The following PCGF5 variants were observed in gnomAD, a reference collection of about 807,000 sequenced individuals.
The protein encoded by PCGF5 is polycomb group ring finger 5.
In PCGF5, 9 loss-of-function variants were observed where a neutral mutation model predicts 44.3. The ratio of observed to expected loss-of-function variants is 0.20; its 90% CI spans 0.12 to 0.35. The LOEUF (loss-of-function observed/expected upper bound fraction) is 0.35. Ranked by LOEUF, PCGF5 falls within the 10% of genes least tolerant of loss-of-function variation. The pLI is 1.00. For synonymous variants in PCGF5, 95 were observed against 102.5 expected (o/e 0.93, Z 0.44); for missense variants, 146 against 305.3 (o/e 0.48, Z 3.89).
intron 2 of PCGF5, among the ~76,000 whole-genome samples, chr10:91,234,193 G>T (rs1845089300): frequency 6.6e-6 from 1 of 152,204 alleles, no homozygotes; most frequent in South Asian, 2.1e-4. Context: ...GTTCAACTAT[G>T]AAATCAACAT....
intron 2 of PCGF5, among the ~76,000 whole-genome samples, chr10:91,226,289 TAAAAAAAAA>T (rs66465569): frequency 1.3e-4 from 10 of 75,144 alleles, no homozygotes; most frequent in Admixed American, 7.1e-4. Flanking sequence ...TTAAGAAATG[TAAAAAAAAA>T]AAAAAAAAAA....
intron 1 of PCGF5, among the ~76,000 whole-genome samples, chr10:91,193,107 G>T (rs1844063147): frequency 6.6e-6 from 1 of 152,136 alleles, no homozygotes; most frequent in African/African-American, 2.4e-5. Flanking sequence ...TGCTGAGAGT[G>T]CATGGCAAAC....
intron 6 of PCGF5, among the ~76,000 whole-genome samples, chr10:91,258,800 TATC>T (rs1435205809): frequency 2.0e-5 from 3 of 152,186 alleles, no homozygotes; most frequent in African/African-American, 7.2e-5. Flanking sequence ...ATGGATATTT[TATC>T]ATCTGTATTG....
intron 3 of PCGF5, among the ~76,000 whole-genome samples, chr10:91,245,864 T>G (rs939145296): frequency 1.3e-5 from 2 of 152,122 alleles, no homozygotes; most frequent in Non-Finnish European, 2.9e-5. Context: ...AAGCGTGTTG[T>G]CCAGGGGAGT....
At chr10:91,195,481 TATATAGAGAGAGAG>T (rs1463880078) in intron 1 of PCGF5, among the ~76,000 whole-genome samples, 2 of 134,586 alleles carry the variant, frequency 1.5e-5, no homozygotes, top group East Asian at 4.2e-4. Context: ...CATATATATA[TATATAGAGAGAGAG>T]AGAGAGAGAG....
At chr10:91,208,824 T>C (rs1844395812) in intron 1 of PCGF5, among the ~76,000 whole-genome samples, 1 of 152,208 alleles carries the variant, frequency 6.6e-6, no homozygotes, top group Non-Finnish European at 1.5e-5. Flanking sequence ...TAGTGACACC[T>C]TCAGTGTTGG....
the PCGF5 span, among the ~76,000 whole-genome samples, chr10:91,157,259 T>G: frequency 6.6e-6 from 1 of 152,236 alleles, no homozygotes; most frequent in East Asian, 1.9e-4. Flanking sequence ...ATATCAACAG[T>G]TAACAGACTG....
Position 91,280,129 on chromosome 10 carries a change from C to T in PCGF5, c.*1813C>T, listed in dbSNP as rs1209236380. On this transcript the variant is annotated 3_prime_UTR_variant, in exon 10 of 10. Transcript: ENST00000336126. ...GCAGATTTTCATTAACTATAAATGG[C>T]TGAAAAAACTGAATTTACTATCTAG... is the stretch of plus-strand genomic sequence containing the variant. 1 of 151,952 alleles carries T rather than the reference C, an allele frequency of 6.6e-6. No individual in the cohort carries two copies. The highest frequency in any genetic ancestry group is 1.5e-5 in the Non-Finnish European group (1 of 67,866). 9.4% of individuals were successfully genotyped at this position (151,952 alleles called of 1,614,324 possible).
chr10:91,210,244 G>A (rs1844424248), intron 1 of PCGF5, among the ~76,000 whole-genome samples: 1 of 152,134 alleles, frequency 6.6e-6, no homozygotes, highest in South Asian at 2.1e-4. Flanking sequence ...CTGCCAGAGA[G>A]TGCTACAGCT....
chr10:91,233,892 A>C (rs1306887390), intron 2 of PCGF5, among the ~76,000 whole-genome samples: 1 of 152,250 alleles, frequency 6.6e-6, no homozygotes, highest in East Asian at 1.9e-4. Flanking sequence ...TAACAAAGGA[A>C]GTCAGCCTTT....
chr10:91,205,863 G>T (rs534240732), intron 1 of PCGF5, among the ~76,000 whole-genome samples: 2 of 152,158 alleles, frequency 1.3e-5, no homozygotes, highest in African/African-American at 4.8e-5. Context: ...GGTGGTGGAT[G>T]CTTGTAATCC....
intron 1 of PCGF5, among the ~76,000 whole-genome samples, chr10:91,211,526 A>G (rs532476291): frequency 2.0e-5 from 3 of 152,332 alleles, no homozygotes; most frequent in African/African-American, 4.8e-5. Flanking sequence ...CCTGATCTGC[A>G]TAAATGTGAA....
intron 1 of PCGF5, among the ~76,000 whole-genome samples, chr10:91,197,655 G>A (rs1201808670): frequency 1.3e-5 from 2 of 152,056 alleles, no homozygotes; most frequent in Non-Finnish European, 2.9e-5. Context: ...TGGGAGCCTT[G>A]CTTCCAGAGG....
chr10:91,249,229 A>G (rs1249286733), intron 5 of PCGF5, among the ~76,000 whole-genome samples: 3 of 151,726 alleles, frequency 2.0e-5, no homozygotes, highest in Non-Finnish European at 4.4e-5. Flanking sequence ...GGAAATTTAG[A>G]AAGTATTTCT....
chr10:91,246,211 G>A (rs1290133548), intron 3 of PCGF5, among the ~76,000 whole-genome samples: 5 of 152,180 alleles, frequency 3.3e-5, no homozygotes, highest in Non-Finnish European at 7.3e-5. Flanking sequence ...TTCCTGATCT[G>A]TTTGTATGTA....
intron 1 of PCGF5, among the ~76,000 whole-genome samples, chr10:91,214,797 G>A (rs995328275): frequency 6.6e-6 from 1 of 152,208 alleles, no homozygotes; most frequent in African/African-American, 2.4e-5. Flanking sequence ...GAAGGAAATG[G>A]ATCCAGAGAA....
intron 3 of PCGF5, among the ~76,000 whole-genome samples, chr10:91,241,279 G>A (rs1049933110): frequency 6.6e-6 from 1 of 151,942 alleles, no homozygotes; most frequent in Non-Finnish European, 1.5e-5. Context: ...ATGTTGGTCA[G>A]GCTGGTCTCA....
intron 1 of PCGF5, among the ~76,000 whole-genome samples, chr10:91,205,833 T>C (rs4933652): frequency 0.51 from 77,803 of 151,862 alleles, 24,175 homozygotes; most frequent in Non-Finnish European, 0.7. Flanking sequence ...CTGCTAAAAA[T>C]ACAAAAAGTA....
intron 2 of PCGF5, among the ~76,000 whole-genome samples, chr10:91,228,161 T>TG (rs1290376388): frequency 6.6e-6 from 1 of 152,156 alleles, no homozygotes; most frequent in Non-Finnish European, 1.5e-5. Flanking sequence ...GGATGTTCTG[T>TG]CTCTTTCACC....
Sources: allele counts gnomAD v4.1 joint callset (sites outside exome capture counted in the v4.1 genomes callset), GRCh38; gene constraint gnomAD v4.1.1; transcripts MANE v1.5; gene names NCBI Gene and HGNC (gene_info 2026-07-23, HGNC 2026-07-21).